The following SPRED1 variants were observed in gnomAD, a reference collection of about 807,000 sequenced individuals.
SPRED1 encodes the protein sprouty-related, EVH1 domain-containing protein 1.
SPRED1 carries 18 observed loss-of-function variants against 52.3 expected under a neutral mutation model. The observed-to-expected ratio is 0.34, with a 90% confidence interval of 0.24 to 0.51. The LOEUF is 0.51. Among genes scored for constraint, SPRED1 ranks in the 20% least tolerant of loss-of-function variants. The pLI is 0.97. For missense variants in SPRED1, 485 were observed against 551.0 expected (o/e 0.88, Z 1.20); for synonymous variants, 155 against 179.7 (o/e 0.86, Z 1.10).
At chr15:38,331,571 T>A (rs1415191338) in intron 4 of SPRED1, among the ~76,000 whole-genome samples, 1 of 152,130 alleles carries the variant, frequency 6.6e-6, no homozygotes, top group Non-Finnish European at 1.5e-5. Context: ...GTTCCAAAAT[T>A]CAGATTTTCT....
intron 1 of SPRED1, among the ~76,000 whole-genome samples, chr15:38,261,503 A>T (rs1312940759): frequency 1.3e-5 from 2 of 152,244 alleles, no homozygotes; most frequent in Non-Finnish European, 2.9e-5. Flanking sequence ...GCCTAATATC[A>T]GTTTAATAAT....
rs138527653 is a variant in SPRED1 at position 38,288,195 on chromosome 15, G to A, written c.33-11178G>A. On this transcript the variant is annotated intron_variant, in intron 1 of 6. Transcript: ENST00000299084. ...AAGGGTCAGGGATAAATGAATATTG[G>A]TGGAAGACGGGAGCTCAGAAGAGGA... is the stretch of plus-strand genomic sequence containing the variant. Among the ~76,000 whole-genome samples the A allele has an allele frequency of 2.6e-5, 4 of 152,260 alleles. No homozygotes were observed. In the South Asian group the frequency reaches 6.2e-4, roughly 24 times the overall value.
intron 4 of SPRED1, among the ~76,000 whole-genome samples, chr15:38,328,355 C>T (rs1427362474): frequency 6.6e-6 from 1 of 152,164 alleles, no homozygotes; most frequent in South Asian, 2.1e-4. Context: ...ATTTGAGTAC[C>T]TATTTCTGCA....
chr15:38,336,451 TTATA>T (rs1566871780), intron 4 of SPRED1, among the ~76,000 whole-genome samples: 11 of 136,950 alleles, frequency 8.0e-5, no homozygotes, highest in East Asian at 2.1e-4. Flanking sequence ...TATATATATG[TTATA>T]TATATAATAT....
intron 4 of SPRED1, among the ~76,000 whole-genome samples, chr15:38,327,804 T>C (rs1566868993): frequency 6.6e-6 from 1 of 152,230 alleles, no homozygotes; most frequent in Non-Finnish European, 1.5e-5. Context: ...TGTTTGTGTT[T>C]GAAGCTGCTA....
chr15:38,356,431 C>G lies in SPRED1; in HGVS notation c.*4767C>G, dbSNP rs141044168. On this transcript the variant is annotated 3_prime_UTR_variant, in exon 7 of 7. Transcript: ENST00000299084. ...TGGTTTTTTTCCCTCCTGGAATTAC[C>G]TGATTAAACCTGTCATGAATTATAA... 6.6e-6 allele frequency: 1 copy of G among 152,066 alleles called. No homozygotes were observed. The highest frequency in any genetic ancestry group is 2.4e-5 in the African/African-American group (1 of 41,508). 9.4% of individuals were successfully genotyped at this position (152,066 alleles called of 1,614,324 possible). A position where few individuals can be genotyped will look rare whatever the true frequency, so the allele number is the denominator to read the frequency against.
intron 1 of SPRED1, among the ~76,000 whole-genome samples, chr15:38,272,698 A>AT (rs1174880145): frequency 3.3e-5 from 5 of 152,050 alleles, no homozygotes; most frequent in Non-Finnish European, 2.9e-5. Flanking sequence ...AGAGTCTGTT[A>AT]TTTTTTAACT....
intron 1 of SPRED1, among the ~76,000 whole-genome samples, chr15:38,276,994 A>G (rs1272925834): frequency 1.3e-5 from 2 of 152,268 alleles, no homozygotes; most frequent in East Asian, 3.9e-4. Context: ...CTTGGTGTGC[A>G]TTTCTTTTCT....
intron 1 of SPRED1, among the ~76,000 whole-genome samples, chr15:38,261,292 G>A (rs1370635523): frequency 1.3e-5 from 2 of 152,144 alleles, no homozygotes; most frequent in African/African-American, 2.4e-5. Context: ...TGGGATTTTA[G>A]TCCAAGAGTT....
At chr15:38,274,276 T>A (rs1320632546) in intron 1 of SPRED1, among the ~76,000 whole-genome samples, 1 of 152,190 alleles carries the variant, frequency 6.6e-6, no homozygotes, top group African/African-American at 2.4e-5. Context: ...ACAATTTTGT[T>A]TCTTCCCACA....
chr15:38,330,124 TA>T (rs1895779612), intron 4 of SPRED1, among the ~76,000 whole-genome samples: 1 of 152,170 alleles, frequency 6.6e-6, no homozygotes, highest in Non-Finnish European at 1.5e-5. Context: ...CTACAGACAG[TA>T]AACAATCTCT....
At chr15:38,253,365 C>T (rs1376903871) in intron 1 of SPRED1, 148 bp downstream of exon 1, 2 of 765,918 alleles carry the variant, frequency 2.6e-6, no homozygotes, top group Non-Finnish European at 4.6e-6. Flanking sequence ...TTTCTTTAGC[C>T]ATTTTTAGTG....
chr15:38,268,320 G>A (rs910958817), intron 1 of SPRED1: 4 of 152,246 alleles, frequency 2.6e-5, no homozygotes, highest in East Asian at 1.9e-4. Flanking sequence ...CTACCAACAC[G>A]GAGGTACATC....
intron 1 of SPRED1, among the ~76,000 whole-genome samples, chr15:38,269,422 T>A (rs1478914036): frequency 6.6e-6 from 1 of 152,154 alleles, no homozygotes; most frequent in Non-Finnish European, 1.5e-5. Flanking sequence ...TTAAATTTTT[T>A]TGTAGAGACA....
intron 3 of SPRED1, 148 bp from the exon 4 acceptor site, chr15:38,324,615 C>T (rs1895673390): frequency 4.8e-6 from 3 of 626,612 alleles, no homozygotes; most frequent in Non-Finnish European, 8.5e-6. Flanking sequence ...GGGGCAAATG[C>T]AAGTGGCCAG....
intron 2 of SPRED1, among the ~76,000 whole-genome samples, chr15:38,300,864 G>A (rs899570755): frequency 1.3e-5 from 2 of 152,050 alleles, no homozygotes; most frequent in Non-Finnish European, 2.9e-5. Flanking sequence ...CTAAGAAGGC[G>A]CCTATGATGG....
intron 5 of SPRED1, among the ~76,000 whole-genome samples, chr15:38,340,397 G>A (rs1228341001): frequency 2.0e-5 from 3 of 151,984 alleles, no homozygotes; most frequent in East Asian, 1.9e-4. Flanking sequence ...GTTGCCGTGT[G>A]ATGTATTCAT....
chr15:38,303,202 A>T (rs959784868), intron 2 of SPRED1, among the ~76,000 whole-genome samples: 2 of 151,940 alleles, frequency 1.3e-5, no homozygotes, highest in Non-Finnish European at 2.9e-5. Flanking sequence ...AAAAGAAAAG[A>T]AAGTCTTACT....
chr15:38,329,983 A>G (rs956003096), intron 4 of SPRED1, among the ~76,000 whole-genome samples: 2 of 152,204 alleles, frequency 1.3e-5, no homozygotes, highest in African/African-American at 4.8e-5. Context: ...CATTTTGCAT[A>G]CATTTTAATT....
Sources: allele counts gnomAD v4.1 joint callset (sites outside exome capture counted in the v4.1 genomes callset), GRCh38; gene constraint gnomAD v4.1.1; transcripts MANE v1.5; gene names NCBI Gene and HGNC (gene_info 2026-07-23, HGNC 2026-07-21).